KIAA1328: variants seen among roughly 807,000 people sequenced by gnomAD.
KIAA1328 encodes KIAA1328.
Under a neutral mutation model 68.1 loss-of-function variants are expected in KIAA1328, and 52 were observed. The ratio of observed to expected loss-of-function variants is 0.76; its 90% CI spans 0.61 to 0.96. The LOEUF (loss-of-function observed/expected upper bound fraction) is 0.96, where lower values mean the gene tolerates loss of function less well. Ranked by LOEUF, KIAA1328 falls within the 40% of genes least tolerant of loss-of-function variation. KIAA1328 has a pLI of 0.00. For synonymous variants in KIAA1328, 232 were observed against 239.4 expected (o/e 0.97, Z 0.28); for missense variants, 641 against 677.6 (o/e 0.95, Z 0.60).
intron 6 of KIAA1328, among the ~76,000 whole-genome samples, chr18:36,987,937 T>C (rs1256649215): frequency 6.6e-6 from 1 of 152,224 alleles, no homozygotes; most frequent in Non-Finnish European, 1.5e-5. Flanking sequence ...AGTTCAGCTC[T>C]ATCTTTTCTC....
chr18:37,160,748 C>T (rs1182141460), intron 8 of KIAA1328, among the ~76,000 whole-genome samples: 1 of 152,176 alleles, frequency 6.6e-6, no homozygotes, highest in African/African-American at 2.4e-5. Flanking sequence ...AGTTAATCCT[C>T]AATTGACTGG....
chr18:36,952,838 C>T (rs2051217611), intron 5 of KIAA1328, among the ~76,000 whole-genome samples: 1 of 152,060 alleles, frequency 6.6e-6, no homozygotes, highest in African/African-American at 2.4e-5. Context: ...ACCTGACTTA[C>T]TGACCAAGGA....
chr18:37,206,516 T>C (rs1455797147), intron 9 of KIAA1328, among the ~76,000 whole-genome samples: 3 of 152,202 alleles, frequency 2.0e-5, no homozygotes, highest in Non-Finnish European at 1.5e-5. Context: ...TGCTGTCATT[T>C]AAGTTTTCTA....
chr18:36,977,810 G>A (rs1178913206), intron 6 of KIAA1328, among the ~76,000 whole-genome samples: 2 of 152,008 alleles, frequency 1.3e-5, no homozygotes, highest in African/African-American at 4.8e-5. Context: ...ATGAGACAGA[G>A]TCTCACTCTG....
chr18:37,108,680 C>A (rs1476172430), intron 7 of KIAA1328, among the ~76,000 whole-genome samples: 1 of 152,208 alleles, frequency 6.6e-6, no homozygotes, highest in Non-Finnish European at 1.5e-5. Context: ...CATGGTCTTA[C>A]ATAGCCTTTA....
chr18:36,962,040 A>T (rs931581481), intron 6 of KIAA1328, among the ~76,000 whole-genome samples: 1 of 152,186 alleles, frequency 6.6e-6, no homozygotes. Flanking sequence ...AAGAATCAAG[A>T]CCTATCAATG....
chr18:37,025,502 A>T (rs2054533730), intron 6 of KIAA1328, among the ~76,000 whole-genome samples: 1 of 152,204 alleles, frequency 6.6e-6, no homozygotes, highest in Non-Finnish European at 1.5e-5. Context: ...ATGTAAAAGA[A>T]CAGAAATTAT....
At chr18:36,923,161 C>T (rs2049989783) in intron 5 of KIAA1328, among the ~76,000 whole-genome samples, 1 of 151,986 alleles carries the variant, frequency 6.6e-6, no homozygotes, top group Non-Finnish European at 1.5e-5. Flanking sequence ...TTAGATGTAT[C>T]TAAAGCAGTA....
At chr18:37,104,061 T>G (rs573226745) in intron 7 of KIAA1328, among the ~76,000 whole-genome samples, 2 of 152,276 alleles carry the variant, frequency 1.3e-5, no homozygotes, top group South Asian at 4.1e-4. Context: ...TCCCATACGC[T>G]GTTGGTGGGA....
intron 4 of KIAA1328, among the ~76,000 whole-genome samples, chr18:36,854,123 T>A (rs2047307673): frequency 6.6e-6 from 1 of 152,168 alleles, no homozygotes; most frequent in Non-Finnish European, 1.5e-5. Context: ...ACATGACGGT[T>A]ACCTATATAA....
intron 6 of KIAA1328, among the ~76,000 whole-genome samples, chr18:37,052,960 C>T (rs898343796): frequency 2.0e-5 from 3 of 152,118 alleles, no homozygotes; most frequent in African/African-American, 7.2e-5. Flanking sequence ...ATCAAGTTAC[C>T]AACATCATTT....
rs1556808986 is a variant in KIAA1328, at chr18:36,885,549, T to TTA, written c.333-8_333-7insTA. The stretch of plus-strand genomic sequence containing the variant: ...TAGATGTTAAAGGTTTTTTTTTTTT[T>TTA]ATTTCAGAGTAAGTGAGGAAAAGGA... On this transcript the variant is annotated splice_region_variant and splice_polypyrimidine_tract_variant and intron_variant, in intron 4 of 9. Coordinates refer to ENST00000280020, the MANE Select transcript of KIAA1328 (RefSeq NM_020776.3). The TTA allele has an allele frequency of 2.9e-3, 4,217 of 1,445,048 alleles. 2 individuals are homozygous for TTA. Among genetic ancestry groups the TTA allele is most frequent in the Non-Finnish European group, 3.4e-3 (3,632 of 1,077,904 alleles). 89.5% of individuals were successfully genotyped at this position (1,445,048 alleles called of 1,614,324 possible).
intron 9 of KIAA1328, among the ~76,000 whole-genome samples, chr18:37,213,012 C>T (rs1203203723): frequency 6.6e-6 from 1 of 152,226 alleles, no homozygotes; most frequent in Non-Finnish European, 1.5e-5. Flanking sequence ...CGCCACTGCA[C>T]ACACTGCATG....
chr18:37,025,275 G>A (rs4500822), intron 6 of KIAA1328, among the ~76,000 whole-genome samples: 23,481 of 152,004 alleles, frequency 0.15, 1,944 homozygotes, highest in African/African-American at 0.2. Context: ...ATAATAATGG[G>A]AGACTTTAAC....
chr18:36,836,401 T>G (rs1434924734), intron 3 of KIAA1328, among the ~76,000 whole-genome samples: 1 of 152,220 alleles, frequency 6.6e-6, no homozygotes, highest in Admixed American at 6.5e-5. Context: ...ATTGGATTAT[T>G]TCAGTGGCTT....
chr18:36,987,627 A>G (rs2052994877), intron 6 of KIAA1328, among the ~76,000 whole-genome samples: 1 of 152,126 alleles, frequency 6.6e-6, no homozygotes, highest in South Asian at 2.1e-4. Flanking sequence ...GTGCTTGCAT[A>G]GTTGGACAGA....
intron 6 of KIAA1328, among the ~76,000 whole-genome samples, chr18:37,061,138 C>T (rs1223238557): frequency 6.6e-6 from 1 of 151,990 alleles, no homozygotes; most frequent in Non-Finnish European, 1.5e-5. Flanking sequence ...AAGAAAAATA[C>T]TACGCAGTGA....
chr18:37,162,884 TAA>T (rs34141985), intron 8 of KIAA1328, among the ~76,000 whole-genome samples: 8 of 137,548 alleles, frequency 5.8e-5, no homozygotes, highest in Admixed American at 7.3e-5. Context: ...CTAAACATGT[TAA>T]AAAAAAAAAA....
chr18:37,161,966 A>G (rs1371335705), intron 8 of KIAA1328, among the ~76,000 whole-genome samples: 7 of 152,232 alleles, frequency 4.6e-5, no homozygotes, highest in African/African-American at 1.2e-4. Flanking sequence ...TACAGAAGCC[A>G]GAAGCCTGAA....
Sources: allele counts gnomAD v4.1 joint callset (sites outside exome capture counted in the v4.1 genomes callset), GRCh38; gene constraint gnomAD v4.1.1; transcripts MANE v1.5; gene names NCBI Gene and HGNC (gene_info 2026-07-23, HGNC 2026-07-21).